The following OPCML variants were observed in gnomAD, a reference collection of about 807,000 sequenced individuals.
OPCML encodes the protein opioid-binding protein/cell adhesion molecule.
In OPCML, 13 loss-of-function variants were observed where a neutral mutation model predicts 37.8. That is an observed-to-expected ratio of 0.34 (90% confidence interval 0.22 to 0.55). OPCML has a LOEUF of 0.55. Among genes scored for constraint, OPCML ranks in the 20% least tolerant of loss-of-function variants. OPCML has a pLI of 0.91. For missense variants in OPCML, 341 were observed against 435.6 expected (o/e 0.78, Z 1.93); for synonymous variants, 176 against 168.8 (o/e 1.04, Z -0.33).
intron 1 of OPCML, among the ~76,000 whole-genome samples, chr11:133,064,443 TG>T (rs1948405481): frequency 6.6e-6 from 1 of 152,240 alleles, no homozygotes; most frequent in South Asian, 2.1e-4. Context: ...AGTTGATCTG[TG>T]GCAGCGGACC....
At chr11:132,701,205 G>A (rs924271936) in intron 2 of OPCML, among the ~76,000 whole-genome samples, 9 of 152,186 alleles carry the variant, frequency 5.9e-5, no homozygotes, top group Non-Finnish European at 2.9e-5. Context: ...CTTACATGTT[G>A]GCAGGCAAGA....
intron 1 of OPCML, among the ~76,000 whole-genome samples, chr11:133,096,322 T>C (rs1227742708): frequency 6.6e-6 from 1 of 152,026 alleles, no homozygotes; most frequent in Non-Finnish European, 1.5e-5. Context: ...TGTGAATGTA[T>C]AGTGTGAACT....
intron 2 of OPCML, chr11:132,773,189 C>G (rs970906481): frequency 2.6e-5 from 4 of 152,160 alleles, no homozygotes; most frequent in African/African-American, 9.7e-5. Context: ...AACATAAATT[C>G]TTCCACTCAG....
intron 3 of OPCML, among the ~76,000 whole-genome samples, chr11:132,541,905 T>TG (rs1271150405): frequency 5.3e-5 from 8 of 152,182 alleles, no homozygotes; most frequent in African/African-American, 1.9e-4. Flanking sequence ...TTGCAAGGTT[T>TG]GGAACAGAAG....
chr11:132,895,077 GT>G (rs1195717344), intron 2 of OPCML, among the ~76,000 whole-genome samples: 2 of 152,148 alleles, frequency 1.3e-5, no homozygotes, highest in Non-Finnish European at 2.9e-5. Context: ...TTGGTTTGGG[GT>G]TTCTAGAATT....
At chr11:132,775,604 A>C (rs1289850885) in intron 2 of OPCML, among the ~76,000 whole-genome samples, 2 of 152,166 alleles carry the variant, frequency 1.3e-5, no homozygotes, top group Non-Finnish European at 2.9e-5. Flanking sequence ...GCCACTGTGG[A>C]GCCTCCTCCA....
intron 1 of OPCML, among the ~76,000 whole-genome samples, chr11:133,221,132 C>T (rs1030470630): frequency 7.2e-5 from 11 of 152,182 alleles, no homozygotes; most frequent in Non-Finnish European, 1.6e-4. Flanking sequence ...AGTCTATTAG[C>T]ACTTTTGAGT....
intron 1 of OPCML, among the ~76,000 whole-genome samples, chr11:133,143,199 C>G (rs369578495): frequency 2.9e-4 from 44 of 152,178 alleles, no homozygotes; most frequent in African/African-American, 1.1e-3. Flanking sequence ...CAATAGCCTA[C>G]AGCGACTGAA....
intron 1 of OPCML, among the ~76,000 whole-genome samples, chr11:133,259,665 G>T (rs755446342): frequency 3.9e-5 from 6 of 152,112 alleles, no homozygotes; most frequent in Non-Finnish European, 8.8e-5. Flanking sequence ...TAGTAAAAAC[G>T]AAATTATACT....
At chr11:132,641,305 G>A (rs1940837189) in intron 3 of OPCML, among the ~76,000 whole-genome samples, 1 of 152,182 alleles carries the variant, frequency 6.6e-6, no homozygotes, top group African/African-American at 2.4e-5. Flanking sequence ...AAGGCACTGA[G>A]AGGCCCTTCC....
intron 3 of OPCML, among the ~76,000 whole-genome samples, chr11:132,632,753 C>T (rs987147387): frequency 3.7e-4 from 57 of 152,226 alleles, no homozygotes; most frequent in African/African-American, 1.3e-3. Context: ...TCAGTTGTCA[C>T]ATAGCCAAAC....
chr11:133,003,741 A>G, intron 1 of OPCML: 1 of 985,406 alleles, frequency 1.0e-6, no homozygotes, highest in Non-Finnish European at 1.2e-6. Context: ...GACTTCCTGG[A>G]GGCCATGGAA....
intron 4 of OPCML, among the ~76,000 whole-genome samples, chr11:132,456,880 C>T (rs1036511514): frequency 6.6e-6 from 1 of 152,202 alleles, no homozygotes; most frequent in African/African-American, 2.4e-5. Context: ...TAATCATGCT[C>T]ATTAATCTGT....
intron 2 of OPCML, chr11:132,860,756 T>C (rs2136357370): frequency 6.6e-6 from 1 of 152,256 alleles, no homozygotes; most frequent in East Asian, 1.9e-4. Flanking sequence ...AAAGCTAGAT[T>C]CACGTAACTG....
At chr11:133,332,715 T>C (rs1488084031) in intron 1 of OPCML, among the ~76,000 whole-genome samples, 1 of 152,190 alleles carries the variant, frequency 6.6e-6, no homozygotes, top group Non-Finnish European at 1.5e-5. Flanking sequence ...GAAATAGTCA[T>C]GTGGTTTTTG....
intron 4 of OPCML, among the ~76,000 whole-genome samples, chr11:132,476,632 T>C (rs79146989): frequency 3.3e-5 from 5 of 151,944 alleles, no homozygotes; most frequent in East Asian, 1.9e-4. Context: ...TAGGTGGGAA[T>C]TGAACAATGA....
chr11:132,567,733 A>C (rs78273763), intron 3 of OPCML, among the ~76,000 whole-genome samples: 4,464 of 152,338 alleles, frequency 0.029, 248 homozygotes, highest in African/African-American at 0.1. Context: ...TGTTCGATTC[A>C]GAGGTAGATT....
intron 1 of OPCML, among the ~76,000 whole-genome samples, chr11:133,037,492 G>GCTTA (rs1947803884): frequency 6.6e-6 from 1 of 152,170 alleles, no homozygotes; most frequent in South Asian, 2.1e-4. Context: ...TTGTCTTCTT[G>GCTTA]TAACCTAGCT....
At chr11:133,002,618 A>G (rs1196524992) in intron 1 of OPCML, among the ~76,000 whole-genome samples, 1 of 152,234 alleles carries the variant, frequency 6.6e-6, no homozygotes, top group Non-Finnish European at 1.5e-5. Flanking sequence ...AAGCTTTAAA[A>G]TGGTACTGAA....
Sources: gnomAD v4.1 joint callset for allele counts (sites outside exome capture counted in the v4.1 genomes callset) on GRCh38, gnomAD v4.1.1 for gene constraint, MANE v1.5 for transcripts, NCBI Gene and HGNC (gene_info 2026-07-23, HGNC 2026-07-21) for gene names.